Variants in NCAM1 observed in about 807,000 individuals in gnomAD.
NCAM1 encodes the protein antigen recognized by monoclonal antibody 5.1H11.
In NCAM1, 14 loss-of-function variants were observed where a neutral mutation model predicts 109.8. That is an observed-to-expected ratio of 0.13 (90% confidence interval 0.08 to 0.20). The LOEUF (loss-of-function observed/expected upper bound fraction) is 0.20, where lower values mean the gene tolerates loss of function less well. Among genes scored for constraint, NCAM1 ranks in the 10% least tolerant of loss-of-function variants. The pLI is 1.00. For synonymous variants in NCAM1, 418 were observed against 442.9 expected (o/e 0.94, Z 0.70); for missense variants, 774 against 1,109.9 (o/e 0.70, Z 4.30).
At chr11:113,147,667 T>C (rs1942067538) in intron 1 of NCAM1, among the ~76,000 whole-genome samples, 1 of 152,198 alleles carries the variant, frequency 6.6e-6, no homozygotes, top group African/African-American at 2.4e-5. Flanking sequence ...CAGGGACAGC[T>C]CCTCTACAAA....
At position 113,169,318 on chromosome 11, in the gene NCAM1, A is replaced by G. The variant is rs7125499; in HGVS notation, c.53-33061A>G. Among the ~76,000 whole-genome samples the G allele has an allele frequency of 8.5e-5, 13 of 152,256 alleles. No individual in the cohort carries two copies. The East Asian group carries it at 1.4e-3, about 16-fold the overall frequency. On this transcript the variant is annotated intron_variant, in intron 1 of 19. Coordinates refer to ENST00000316851, the MANE Select transcript of NCAM1 (RefSeq NM_181351.5). ...AACAATTAGGGTTGAACTCTCCCCAATGTAAAATCAGTACTGCAGATTGGC... is the reference window on the plus strand; with the variant it reads ...AACAATTAGGGTTGAACTCTCCCCAGTGTAAAATCAGTACTGCAGATTGGC...
At chr11:113,200,045 G>A (rs999741970) in intron 1 of NCAM1, among the ~76,000 whole-genome samples, 2 of 152,130 alleles carry the variant, frequency 1.3e-5, no homozygotes, top group Non-Finnish European at 2.9e-5. Context: ...AATGAAGGCT[G>A]TTTTTTCACT....
chr11:113,227,977 T>C (rs1261594658), intron 9 of NCAM1, among the ~76,000 whole-genome samples: 2 of 152,204 alleles, frequency 1.3e-5, no homozygotes, highest in Admixed American at 6.5e-5. Context: ...GCCAATATCA[T>C]ACTGAATGGG....
intron 1 of NCAM1, among the ~76,000 whole-genome samples, chr11:113,090,344 A>G (rs1321509390): frequency 6.6e-6 from 1 of 152,196 alleles, no homozygotes; most frequent in African/African-American, 2.4e-5. Flanking sequence ...TCTGTAAGGG[A>G]GAAGTTTTGC....
At chr11:113,167,572 TAGCATTC>T (rs1341094907) in intron 1 of NCAM1, among the ~76,000 whole-genome samples, 1 of 151,570 alleles carries the variant, frequency 6.6e-6, no homozygotes, top group East Asian at 1.9e-4. Context: ...AACTCTTACT[TAGCATTC>T]AGCAGTCACT....
chr11:113,193,037 TAAGACTGGGCTGATGTCCACTTGA>T (rs1943732768), intron 1 of NCAM1, among the ~76,000 whole-genome samples: 1 of 152,206 alleles, frequency 6.6e-6, no homozygotes, highest in Admixed American at 6.5e-5. Context: ...GTGTTCTATA[TAAGACTGGGCTGATGTCCACTTGA>T]AAAGGATTTC....
At chr11:113,239,250 A>G (rs1555118782) in intron 14 of NCAM1, among the ~76,000 whole-genome samples, 1 of 152,174 alleles carries the variant, frequency 6.6e-6, no homozygotes, top group African/African-American at 2.4e-5. Flanking sequence ...TGCCTATTTC[A>G]TGTATTTTTT....
chr11:113,129,324 T>A (rs1171153929), intron 1 of NCAM1, among the ~76,000 whole-genome samples: 3 of 152,196 alleles, frequency 2.0e-5, no homozygotes, highest in African/African-American at 7.2e-5. Context: ...TAAACTGTTG[T>A]CCTGGCAGAT....
intron 14 of NCAM1, among the ~76,000 whole-genome samples, chr11:113,237,301 C>T (rs552495238): frequency 1.1e-4 from 17 of 152,220 alleles, no homozygotes; most frequent in Non-Finnish European, 2.2e-4. Flanking sequence ...GGAAGCTGTA[C>T]AGTCTTTTCA....
chr11:113,155,888 C>T (rs1353092293), intron 1 of NCAM1, among the ~76,000 whole-genome samples: 2 of 152,146 alleles, frequency 1.3e-5, no homozygotes, highest in South Asian at 2.1e-4. Flanking sequence ...CAGCCCTCAA[C>T]TTGCTGATGG....
chr11:113,240,952 C>T lies in NCAM1; in HGVS notation c.1826-5416C>T, dbSNP rs530592204. The T allele has an allele frequency of 3.0e-4, 330 of 1,089,068 alleles. 1 individual carries two copies. The Middle Eastern group carries it at 3.4e-3, about 11-fold the overall frequency. The allele number at this position is 1,089,068 out of a possible 1,614,324, so 67.5% of individuals were successfully genotyped here. Reference sequence around the variant, plus strand: ...ATTCAACTCAGTTGGTGGAAAGCAGCGTCGGGTTTTAGAGGAGCAGTTGAG... The same window carrying T: ...ATTCAACTCAGTTGGTGGAAAGCAGTGTCGGGTTTTAGAGGAGCAGTTGAG... On this transcript the variant is annotated intron_variant, in intron 14 of 19. Coordinates refer to ENST00000316851, the MANE Select transcript of NCAM1 (RefSeq NM_181351.5).
At position 113,258,762 on chromosome 11, in the gene NCAM1, C is replaced by A. The variant is rs529789785; in HGVS notation, c.1954-1384C>A. Among the ~76,000 whole-genome samples the A allele has an allele frequency of 1.5e-3, 232 of 152,288 alleles. 1 individual carries two copies. Among genetic ancestry groups the A allele is most frequent in the African/African-American group, 4.9e-3 (204 of 41,548 alleles). ...AAATTATCACATGTACCCTGAAAAT[C>A]TGTATAGCTATTTTGTATCAATTAA... On this transcript the variant is annotated intron_variant, in intron 16 of 19. Coordinates refer to ENST00000316851, the MANE Select transcript of NCAM1 (RefSeq NM_181351.5).
At chr11:113,264,706 A>G in intron 17 of NCAM1, 1 of 985,380 alleles carries the variant, frequency 1.0e-6, no homozygotes. Context: ...CCCTTTGGAG[A>G]TCTCGTCCTA....
chr11:113,263,157 A>G (rs1946055774), intron 17 of NCAM1: 1 of 1,199,924 alleles, frequency 8.3e-7, no homozygotes, highest in Non-Finnish European at 1.0e-6. Flanking sequence ...AATGGCAGTA[A>G]AAAGAATTTG....
chr11:113,230,252 T>G (rs1214704757), intron 9 of NCAM1, among the ~76,000 whole-genome samples: 1 of 152,172 alleles, frequency 6.6e-6, no homozygotes, highest in Non-Finnish European at 1.5e-5. Flanking sequence ...CTGGGATGCA[T>G]CTTTCAACCA....
At chr11:113,087,108 G>A (rs1365557961) in intron 1 of NCAM1, among the ~76,000 whole-genome samples, 1 of 152,200 alleles carries the variant, frequency 6.6e-6, no homozygotes, top group African/African-American at 2.4e-5. Flanking sequence ...CAGAGAGAAA[G>A]CACATAGTTA....
At position 113,137,901 on chromosome 11, in the gene NCAM1, A is replaced by T. The variant is rs559197791; in HGVS notation, c.53-64478A>T. Among the ~76,000 whole-genome samples the T allele has an allele frequency of 3.3e-5, 5 of 152,340 alleles. 1 individual carries two copies. The South Asian group carries it at 1.0e-3, about 32-fold the overall frequency. ...TCTGTTTAGACAAAAGGAAAAAGCA[A>T]CAAAGGCGACAAGGGAGGGGCAAGA... is the stretch of plus-strand genomic sequence containing the variant. On this transcript the variant is annotated intron_variant, in intron 1 of 19. Coordinates refer to ENST00000316851, the MANE Select transcript of NCAM1 (RefSeq NM_181351.5).
Position 113,022,402 on chromosome 11 carries a change from T to A in NCAM1, c.52+60738T>A, listed in dbSNP as rs1473379577. 2.6e-5 allele frequency among the ~76,000 whole-genome samples: 4 copies of A among 152,246 alleles called. No individual in the cohort carries two copies. In the East Asian group the frequency reaches 7.7e-4, roughly 29 times the overall value. ...GTAAATTCTTCTGAAATTGCATAGATGATGGATCATCCTAAGATATCATCC... is the reference window on the plus strand; with the variant it reads ...GTAAATTCTTCTGAAATTGCATAGAAGATGGATCATCCTAAGATATCATCC... On this transcript the variant is annotated intron_variant, in intron 1 of 19. Transcript: ENST00000316851.
chr11:113,206,924 A>C (rs185285736), intron 5 of NCAM1, among the ~76,000 whole-genome samples: 21 of 152,372 alleles, frequency 1.4e-4, no homozygotes, highest in Middle Eastern at 3.4e-3. Context: ...GTTTCACTGA[A>C]CCTGGTAGTT....
Sources: allele counts gnomAD v4.1 joint callset (sites outside exome capture counted in the v4.1 genomes callset), GRCh38; gene constraint gnomAD v4.1.1; transcripts MANE v1.5; gene names NCBI Gene and HGNC (gene_info 2026-07-23, HGNC 2026-07-21).